NELL1: variants seen among roughly 807,000 people sequenced by gnomAD.
The protein encoded by NELL1 is protein kinase C-binding protein NELL1.
Under a neutral mutation model 107.4 loss-of-function variants are expected in NELL1, and 76 were observed. The observed-to-expected ratio is 0.71, with a 90% CI of 0.59 to 0.86. The LOEUF is 0.86. NELL1 is among the 40% of genes least tolerant of loss of function. The pLI is 0.00. For missense variants in NELL1, 1,024 were observed against 1,005.5 expected (o/e 1.02, Z -0.25); for synonymous variants, 353 against 341.2 (o/e 1.03, Z -0.38).
intron 15 of NELL1, among the ~76,000 whole-genome samples, chr11:21,439,018 C>A (rs1479153718): frequency 1.3e-5 from 2 of 151,584 alleles, no homozygotes; most frequent in African/African-American, 4.8e-5. Flanking sequence ...AGAGGTAATC[C>A]CATCAGGTAA....
intron 2 of NELL1, among the ~76,000 whole-genome samples, chr11:20,679,742 C>G (rs1854145278): frequency 6.6e-6 from 1 of 152,120 alleles, no homozygotes; most frequent in African/African-American, 2.4e-5. Context: ...CCTGGCTGGT[C>G]TGTAAGCTTC....
chr11:20,729,418 A>G (rs1331963738), intron 2 of NELL1, among the ~76,000 whole-genome samples: 1 of 152,112 alleles, frequency 6.6e-6, no homozygotes, highest in Non-Finnish European at 1.5e-5. Flanking sequence ...GTTTTTGCCC[A>G]TTCAGTATGA....
At chr11:21,074,172 T>A (rs1395780626) in intron 12 of NELL1, among the ~76,000 whole-genome samples, 1 of 152,136 alleles carries the variant, frequency 6.6e-6, no homozygotes, top group East Asian at 1.9e-4. Context: ...AACATCAGCA[T>A]AAACTGGGAT....
intron 13 of NELL1, among the ~76,000 whole-genome samples, chr11:21,213,356 T>C (rs1857543742): frequency 6.6e-6 from 1 of 152,178 alleles, no homozygotes; most frequent in African/African-American, 2.4e-5. Context: ...ACAAGCTTAA[T>C]CTGAAATTTG....
intron 13 of NELL1, among the ~76,000 whole-genome samples, chr11:21,154,192 T>C (rs1856180778): frequency 1.3e-5 from 2 of 152,178 alleles, no homozygotes; most frequent in Admixed American, 6.6e-5. Flanking sequence ...TATAATGAAT[T>C]GCTACCTCTC....
chr11:20,707,858 T>A (rs1306721639), intron 2 of NELL1, among the ~76,000 whole-genome samples: 3 of 152,178 alleles, frequency 2.0e-5, no homozygotes, highest in African/African-American at 7.2e-5. Flanking sequence ...GGAGAACAAC[T>A]ACTTTCTTCA....
intron 13 of NELL1, among the ~76,000 whole-genome samples, chr11:21,189,681 CT>C (rs58557342): frequency 0.098 from 13,873 of 141,392 alleles, 720 homozygotes; most frequent in East Asian, 0.19. Context: ...TTGTTTCTTC[CT>C]TTTTTTTTTT....
chr11:21,149,450 A>AAGAG (rs1290619111), intron 13 of NELL1, among the ~76,000 whole-genome samples: 2 of 152,224 alleles, frequency 1.3e-5, no homozygotes, highest in Non-Finnish European at 2.9e-5. Context: ...GGTAGCAGGC[A>AAGAG]AGAGAGTGCT....
intron 13 of NELL1, among the ~76,000 whole-genome samples, chr11:21,136,418 G>A (rs950776581): frequency 3.3e-5 from 5 of 152,196 alleles, no homozygotes; most frequent in East Asian, 1.9e-4. Flanking sequence ...TTCAACTATA[G>A]CAGTGGTAGG....
intron 14 of NELL1, among the ~76,000 whole-genome samples, chr11:21,327,267 G>A (rs1850167304): frequency 6.6e-6 from 1 of 150,910 alleles, no homozygotes. Context: ...ACTGGGTGCA[G>A]CACACCAACA....
intron 2 of NELL1, among the ~76,000 whole-genome samples, chr11:20,691,496 G>A (rs564083976): frequency 1.3e-5 from 2 of 152,190 alleles, no homozygotes; most frequent in South Asian, 2.1e-4. Flanking sequence ...AGCATGAAGG[G>A]TTGTTGAATT....
At chr11:21,137,048 G>C (rs886375659) in intron 13 of NELL1, among the ~76,000 whole-genome samples, 5 of 152,212 alleles carry the variant, frequency 3.3e-5, no homozygotes, top group African/African-American at 1.2e-4. Context: ...TTACAGAAGA[G>C]AGAAGGAGGA....
intron 12 of NELL1, among the ~76,000 whole-genome samples, chr11:21,105,219 G>C (rs1175682802): frequency 6.6e-6 from 1 of 152,090 alleles, no homozygotes; most frequent in African/African-American, 2.4e-5. Context: ...TAAGAGTGGA[G>C]GTTTAATAGG....
intron 13 of NELL1, among the ~76,000 whole-genome samples, chr11:21,161,471 A>G (rs2133800448): frequency 6.6e-6 from 1 of 152,266 alleles, no homozygotes; most frequent in South Asian, 2.1e-4. Flanking sequence ...TGGGAGGAGG[A>G]GGTTTCAGTG....
At chr11:21,137,117 A>G (rs1001665314) in intron 13 of NELL1, among the ~76,000 whole-genome samples, 3 of 152,226 alleles carry the variant, frequency 2.0e-5, no homozygotes, top group Admixed American at 6.5e-5. Flanking sequence ...TTCATGGTGA[A>G]TTCATCTTAT....
chr11:21,004,396 T>A (rs1852286892), intron 12 of NELL1, among the ~76,000 whole-genome samples: 1 of 152,166 alleles, frequency 6.6e-6, no homozygotes, highest in Non-Finnish European at 1.5e-5. Flanking sequence ...TTTATTGTCT[T>A]GCTCGATTAT....
intron 13 of NELL1, among the ~76,000 whole-genome samples, chr11:21,215,432 G>T (rs1487528964): frequency 6.6e-6 from 1 of 152,114 alleles, no homozygotes; most frequent in Non-Finnish European, 1.5e-5. Flanking sequence ...GTGAGGTGCT[G>T]GTATAAGGAT....
At chr11:20,745,453 T>C (rs1270672974) in intron 2 of NELL1, among the ~76,000 whole-genome samples, 3 of 152,212 alleles carry the variant, frequency 2.0e-5, no homozygotes, top group Non-Finnish European at 4.4e-5. Context: ...CATTAGTGTG[T>C]TCTTCCTCAA....
At chr11:21,007,312 G>C (rs182151809) in intron 12 of NELL1, among the ~76,000 whole-genome samples, 30 of 152,134 alleles carry the variant, frequency 2.0e-4, no homozygotes, top group Non-Finnish European at 2.6e-4. Context: ...CTCCTCTGCA[G>C]AAGACATAAT....
Sources: allele counts gnomAD v4.1 joint callset (sites outside exome capture counted in the v4.1 genomes callset), GRCh38; gene constraint gnomAD v4.1.1; transcripts MANE v1.5; gene names NCBI Gene and HGNC (gene_info 2026-07-23, HGNC 2026-07-21).